The following NEBL variants were observed in gnomAD, a reference collection of about 807,000 sequenced individuals.
The protein encoded by NEBL is LIM and SH3 protein 2.
Under a neutral mutation model 140.2 loss-of-function variants are expected in NEBL, and 122 were observed. The ratio of observed to expected loss-of-function variants is 0.87; its 90% CI spans 0.75 to 1.01. NEBL has a LOEUF of 1.01. NEBL is among the 50% of genes least tolerant of loss of function. NEBL has a pLI of 0.00. For missense variants in NEBL, 1,365 were observed against 1,231.3 expected, an observed-to-expected ratio of 1.11 and a Z score of -1.62; for synonymous variants, 436 against 398.9, an observed-to-expected ratio of 1.09 and a Z score of -1.11.
chr10:21,202,331 A>G (rs1841750172), intron 3 of NEBL, among the ~76,000 whole-genome samples: 1 of 152,104 alleles, frequency 6.6e-6, no homozygotes, highest in Admixed American at 6.6e-5. Context: ...AGATCTCCTA[A>G]AAGTTCCTGT....
chr10:21,138,641 A>G (rs1839470656), intron 2 of NEBL, among the ~76,000 whole-genome samples: 1 of 152,122 alleles, frequency 6.6e-6, no homozygotes. Flanking sequence ...GTGCTATGTT[A>G]TGTGTTCCAA....
At chr10:21,043,346 C>T (rs114021440) in intron 2 of NEBL, among the ~76,000 whole-genome samples, 58 of 152,292 alleles carry the variant, frequency 3.8e-4, no homozygotes, top group African/African-American at 1.3e-3. Flanking sequence ...GCAGCCCTGT[C>T]AGAATTTTGA....
At chr10:21,071,218 T>A (rs958493293) in intron 2 of NEBL, among the ~76,000 whole-genome samples, 1 of 149,124 alleles carries the variant, frequency 6.7e-6, no homozygotes, top group Admixed American at 6.7e-5. Flanking sequence ...TTATAATTTT[T>A]AAATAATATT....
intron 2 of NEBL, among the ~76,000 whole-genome samples, chr10:21,035,638 C>G (rs1833985280): frequency 6.6e-6 from 1 of 152,088 alleles, no homozygotes; most frequent in African/African-American, 2.4e-5. Flanking sequence ...CAGCTTTAAG[C>G]CTTTTCCATC....
chr10:21,228,510 C>G (rs1842203296), intron 3 of NEBL, among the ~76,000 whole-genome samples: 1 of 152,104 alleles, frequency 6.6e-6, no homozygotes, highest in Non-Finnish European at 1.5e-5. Context: ...ATTAGACCAT[C>G]TTGCTCCCTG....
At chr10:21,025,288 A>G (rs2131785344) in intron 2 of NEBL, among the ~76,000 whole-genome samples, 1 of 152,362 alleles carries the variant, frequency 6.6e-6, no homozygotes, top group Non-Finnish European at 1.5e-5. Flanking sequence ...AATGTTTAGC[A>G]TCATAAACAG....
rs939008841 is a variant in NEBL at position 21,281,497 on chromosome 10, T to A, written n.182+11333A>T. 5.4e-5 allele frequency among the ~76,000 whole-genome samples: 8 copies of A among 146,814 alleles called. 1 individual carries two copies. Among genetic ancestry groups the A allele is most frequent in the South Asian group, 4.4e-4 (2 of 4,544 alleles). On this transcript the variant is annotated intron_variant and non_coding_transcript_variant, in intron 1 of 8. Coordinates refer to the NEBL transcript ENST00000675702. ...CCTTTTCTTTCTTTCTTTTTTTTTTTATAATTAATAGACATTTTTAGAGCC... is the reference window on the plus strand; with the variant it reads ...CCTTTTCTTTCTTTCTTTTTTTTTTAATAATTAATAGACATTTTTAGAGCC...
In NEBL at chr10:20,813,870, T is replaced by A. The variant is rs537648950; in HGVS notation, c.2346+69A>T. 3 of 1,003,826 alleles carry A rather than the reference T, an allele frequency of 3.0e-6. No homozygotes were observed. In the African/African-American group the frequency reaches 4.8e-5, roughly 16 times the overall value. 62.2% of individuals were successfully genotyped at this position (1,003,826 alleles called of 1,614,324 possible). ...GTTAGTTATCGGATTAATAGTGAAG[T>A]AATGCCATCCGTGCACTGGATCCGC... On this transcript the variant is annotated intron_variant, in intron 23 of 27. Transcript: ENST00000377122.
At chr10:20,823,990 C>T (rs1293402085) in intron 18 of NEBL, among the ~76,000 whole-genome samples, 1 of 152,126 alleles carries the variant, frequency 6.6e-6, no homozygotes, top group African/African-American at 2.4e-5. Context: ...CACTCAAAAT[C>T]TCCCCCATCA....
intron 14 of NEBL, among the ~76,000 whole-genome samples, chr10:20,832,044 A>G (rs1840466033): frequency 1.3e-5 from 2 of 151,970 alleles, no homozygotes; most frequent in Non-Finnish European, 2.9e-5. Flanking sequence ...CCACTCCTAA[A>G]CCATCCAGCT....
chr10:20,835,434 T>G (rs922361388), intron 14 of NEBL, 79 bp downstream of exon 14: 3 of 1,027,824 alleles, frequency 2.9e-6, no homozygotes, highest in Non-Finnish European at 4.6e-6. Context: ...AGAAATTCCA[T>G]ATAGTAATCA....
intron 2 of NEBL, among the ~76,000 whole-genome samples, chr10:21,150,591 A>G (rs536015938): frequency 6.6e-6 from 1 of 152,336 alleles, no homozygotes; most frequent in Admixed American, 6.5e-5. Context: ...AAATATAAAA[A>G]TGAGATGTGA....
chr10:20,938,198 C>T (rs778904729), intron 4 of NEBL, among the ~76,000 whole-genome samples: 1 of 152,188 alleles, frequency 6.6e-6, no homozygotes. Flanking sequence ...CCAGTAGGGG[C>T]AGACTGACAC....
chr10:21,186,514 A>G (rs1469492216), intron 3 of NEBL, among the ~76,000 whole-genome samples: 1 of 152,162 alleles, frequency 6.6e-6, no homozygotes, highest in Non-Finnish European at 1.5e-5. Flanking sequence ...TAGTATTTGC[A>G]TATAACCTAC....
chr10:20,862,392 G>A (rs958219455), intron 7 of NEBL, among the ~76,000 whole-genome samples: 4 of 151,996 alleles, frequency 2.6e-5, no homozygotes, highest in African/African-American at 7.2e-5. Flanking sequence ...AAAAATGCAC[G>A]GACCAGACAC....
rs988534603 is a variant in NEBL at position 21,020,022 on chromosome 10, C to A, written c.249+95G>T. On this transcript the variant is annotated intron_variant, in intron 3 of 6. Coordinates refer to the NEBL transcript ENST00000417816. ...TTCAGCCTCCACACCGGCTGGTGACCCAGCAGGAACAGTACGAAGACAAGA... is the reference window on the plus strand; with the variant it reads ...TTCAGCCTCCACACCGGCTGGTGACACAGCAGGAACAGTACGAAGACAAGA... The A allele has an allele frequency of 6.2e-6, 7 of 1,124,068 alleles. No individual in the cohort carries two copies. The African/African-American group carries it at 1.1e-4, about 17-fold the overall frequency. 69.6% of individuals were successfully genotyped at this position (1,124,068 alleles called of 1,614,324 possible). A position where few individuals can be genotyped will look rare whatever the true frequency, so the allele number is the denominator to read the frequency against.
At chr10:21,122,081 A>G (rs2132046410) in intron 2 of NEBL, among the ~76,000 whole-genome samples, 1 of 152,068 alleles carries the variant, frequency 6.6e-6, no homozygotes, top group South Asian at 2.1e-4. Context: ...ACTGGAATGC[A>G]GTGGCACGAT....
intron 2 of NEBL, among the ~76,000 whole-genome samples, chr10:21,074,496 T>C (rs1455691747): frequency 1.3e-5 from 2 of 148,360 alleles, no homozygotes; most frequent in African/African-American, 5.1e-5. Context: ...TTTTTTTTTT[T>C]TGAGTCAGAG....
At chr10:20,967,721 A>G (rs1038637354) in intron 3 of NEBL, among the ~76,000 whole-genome samples, 1 of 152,074 alleles carries the variant, frequency 6.6e-6, no homozygotes, top group African/African-American at 2.4e-5. Context: ...CTGCTGGTGA[A>G]AAAATGTACA....
Sources: gnomAD v4.1 joint callset for allele counts (sites outside exome capture counted in the v4.1 genomes callset) on GRCh38, gnomAD v4.1.1 for gene constraint, MANE v1.5 for transcripts, NCBI Gene and HGNC (gene_info 2026-07-23, HGNC 2026-07-21) for gene names.